Variants in LINGO2 observed in about 807,000 individuals in gnomAD.
LINGO2 encodes leucine rich repeat and Ig domain containing 2.
LINGO2 carries 14 observed loss-of-function variants against 30.6 expected under a neutral mutation model. The ratio of observed to expected loss-of-function variants is 0.46; its 90% CI spans 0.30 to 0.72. The LOEUF (loss-of-function observed/expected upper bound fraction) is 0.72. LINGO2 is among the 30% of genes least tolerant of loss of function. The pLI, the probability that LINGO2 is intolerant of heterozygous loss-of-function variation, is 0.07. For missense variants in LINGO2, 729 were observed against 751.7 expected (o/e 0.97, Z 0.35); for synonymous variants, 317 against 288.5 (o/e 1.10, Z -1.00).
chr9:29,136,415 A>G, the LINGO2 span, among the ~76,000 whole-genome samples: 1 of 152,126 alleles, frequency 6.6e-6, no homozygotes. Flanking sequence ...TTGATCTCCC[A>G]TGCATTCCCT....
chr9:28,227,867 A>T (rs1420960231), intron 4 of LINGO2, among the ~76,000 whole-genome samples: 1 of 152,088 alleles, frequency 6.6e-6, no homozygotes, highest in Non-Finnish European at 1.5e-5. Flanking sequence ...CATCTACAGG[A>T]TACTGAAATG....
the LINGO2 span, among the ~76,000 whole-genome samples, chr9:28,835,723 C>A: frequency 0.39 from 58,921 of 151,984 alleles, 11,983 homozygotes; most frequent in East Asian, 0.52. Flanking sequence ...AATGTCTTGT[C>A]TTTTCCCTTC....
intron 3 of LINGO2, among the ~76,000 whole-genome samples, chr9:28,331,058 T>C (rs1272036880): frequency 6.6e-6 from 1 of 151,968 alleles, no homozygotes; most frequent in Non-Finnish European, 1.5e-5. Flanking sequence ...TGTTTCAAAA[T>C]ATTTATTATT....
At chr9:28,421,508 G>T (rs1039747379) in intron 2 of LINGO2, among the ~76,000 whole-genome samples, 1 of 150,524 alleles carries the variant, frequency 6.6e-6, no homozygotes, top group Non-Finnish European at 1.5e-5. Flanking sequence ...CAAAGTTAGA[G>T]GTCTCACACT....
At chr9:28,246,376 G>A (rs1486286815) in intron 4 of LINGO2, among the ~76,000 whole-genome samples, 2 of 151,964 alleles carry the variant, frequency 1.3e-5, no homozygotes, top group African/African-American at 4.8e-5. Flanking sequence ...GCAGTGAGCC[G>A]AGATCTTGCC....
At chr9:28,716,397 A>C in the LINGO2 span, among the ~76,000 whole-genome samples, 1 of 152,082 alleles carries the variant, frequency 6.6e-6, no homozygotes, top group African/African-American at 2.4e-5. Context: ...ATTCAGACTA[A>C]GTAAATCTTA....
intron 4 of LINGO2, among the ~76,000 whole-genome samples, chr9:28,110,560 C>T (rs1454450365): frequency 2.0e-5 from 3 of 150,402 alleles, no homozygotes; most frequent in Non-Finnish European, 3.0e-5. Flanking sequence ...AAAATAAAAC[C>T]ATCGAAAAGT....
chr9:28,751,117 A>G, the LINGO2 span, among the ~76,000 whole-genome samples: 1 of 151,654 alleles, frequency 6.6e-6, no homozygotes, highest in African/African-American at 2.4e-5. Flanking sequence ...TAAAAAATAT[A>G]TACATATATA....
At chr9:28,764,140 A>AG in the LINGO2 span, among the ~76,000 whole-genome samples, 1 of 151,882 alleles carries the variant, frequency 6.6e-6, no homozygotes, top group South Asian at 2.1e-4. Flanking sequence ...TTTAAAAAAA[A>AG]AAAGTAGAAG....
rs181167942 is a variant in LINGO2 at position 28,342,343 on chromosome 9, G to C, written c.-246+30493C>G. On this transcript the variant is annotated intron_variant, in intron 3 of 5. Coordinates refer to ENST00000379992, the Ensembl canonical transcript of LINGO2. Reference sequence around the variant, plus strand: ...ATGCCTCAAATCCTACATATAGACAGAAAAGAAATAGTCCAACAAACACGC... The same window carrying C: ...ATGCCTCAAATCCTACATATAGACACAAAAGAAATAGTCCAACAAACACGC... Among the ~76,000 whole-genome samples, 22 of 152,200 alleles carry C rather than the reference G, an allele frequency of 1.4e-4. No homozygotes were observed. The East Asian group carries it at 4.1e-3, about 28-fold the overall frequency.
rs73644085 is a variant in LINGO2, at chr9:28,608,278, G to A, written c.-365+61922C>T. Among the ~76,000 whole-genome samples the A allele has an allele frequency of 7.3e-5, 11 of 151,228 alleles. No individual in the cohort carries two copies. In the East Asian group the frequency reaches 2.1e-3, roughly 29 times the overall value. On this transcript the variant is annotated intron_variant, in intron 1 of 5. Coordinates refer to ENST00000379992, the Ensembl canonical transcript of LINGO2. The stretch of plus-strand genomic sequence containing the variant: ...TTTTAGAACACACTGACATGGTAAG[G>A]CTCTTTATAATAATGAATCTTTTAT...
chr9:28,506,517 T>TAG (rs1313847519), intron 1 of LINGO2, among the ~76,000 whole-genome samples: 2 of 134,886 alleles, frequency 1.5e-5, no homozygotes, highest in African/African-American at 2.6e-5. Context: ...TATATATATA[T>TAG]ATATAAACTG....
chr9:28,773,655 G>A, the LINGO2 span, among the ~76,000 whole-genome samples: 1 of 152,096 alleles, frequency 6.6e-6, no homozygotes, highest in African/African-American at 2.4e-5. Context: ...CAATACTATT[G>A]ATTATTCACT....
intron 4 of LINGO2, among the ~76,000 whole-genome samples, chr9:28,166,563 T>G (rs1828432107): frequency 1.3e-5 from 2 of 152,174 alleles, no homozygotes; most frequent in South Asian, 4.1e-4. Context: ...CTTACTGAGA[T>G]GGGGCTGGAA....
chr9:28,993,081 G>C, the LINGO2 span, among the ~76,000 whole-genome samples: 3 of 152,242 alleles, frequency 2.0e-5, no homozygotes, highest in African/African-American at 4.8e-5. Context: ...CCAGGAGCTG[G>C]TTTTTTGAAA....
At chr9:28,253,424 T>A (rs1822275289) in intron 4 of LINGO2, among the ~76,000 whole-genome samples, 1 of 152,164 alleles carries the variant, frequency 6.6e-6, no homozygotes, top group Admixed American at 6.5e-5. Context: ...ATTTTAGAAT[T>A]TATGATAATC....
At chr9:28,285,848 C>T (rs553389723) in intron 4 of LINGO2, among the ~76,000 whole-genome samples, 1 of 152,114 alleles carries the variant, frequency 6.6e-6, no homozygotes, top group Non-Finnish European at 1.5e-5. Flanking sequence ...GCTGGGATGG[C>T]AGCATTCTAA....
the LINGO2 span, among the ~76,000 whole-genome samples, chr9:29,102,512 A>G: frequency 6.6e-6 from 1 of 152,224 alleles, no homozygotes; most frequent in Admixed American, 6.5e-5. Flanking sequence ...AAGAATTTGT[A>G]TTCCTTCAAA....
chr9:28,164,863 A>G lies in LINGO2; in HGVS notation c.-87+130345T>C, dbSNP rs554281543. 5.1e-4 allele frequency among the ~76,000 whole-genome samples: 77 copies of G among 152,082 alleles called. 1 individual carries two copies. In the South Asian group the frequency reaches 0.012, roughly 23 times the overall value. ...AGGTTCCACATGTCCTTTGCTTCCTATGTCTTACTTTGCACACCGATAAAG... is the reference window on the plus strand; with the variant it reads ...AGGTTCCACATGTCCTTTGCTTCCTGTGTCTTACTTTGCACACCGATAAAG... On this transcript the variant is annotated intron_variant, in intron 4 of 5. Transcript: ENST00000379992.
Sources: allele counts gnomAD v4.1 joint callset (sites outside exome capture counted in the v4.1 genomes callset), GRCh38; gene constraint gnomAD v4.1.1; transcripts MANE v1.5; gene names NCBI Gene and HGNC (gene_info 2026-07-23, HGNC 2026-07-21).